GFOD2: variants seen among roughly 807,000 people sequenced by gnomAD.
The protein encoded by GFOD2 is Gfo/Idh/MocA-like oxidoreductase domain containing 2.
In GFOD2, 9 loss-of-function variants were observed where a neutral mutation model predicts 24.6. The ratio of observed to expected loss-of-function variants is 0.37; its 90% CI spans 0.22 to 0.64. The LOEUF (loss-of-function observed/expected upper bound fraction) is 0.64. GFOD2 is among the 30% of genes least tolerant of loss of function. The probability of loss-of-function intolerance (pLI) is 0.65; values close to 1 mark genes in which losing one functional copy is unlikely to be tolerated. For synonymous variants in GFOD2, 211 were observed against 224.8 expected (o/e 0.94, Z 0.55); for missense variants, 476 against 532.5 (o/e 0.89, Z 1.04).
chr16:67,676,880 C>T (rs929974143), intron 2 of GFOD2: 1 of 152,232 alleles, frequency 6.6e-6, no homozygotes, highest in Non-Finnish European at 1.5e-5. Flanking sequence ...ATGAATGCTG[C>T]TCCATGTTTC....
chr16:67,696,067 G>A (rs140998184), intron 1 of GFOD2, among the ~76,000 whole-genome samples: 21 of 151,096 alleles, frequency 1.4e-4, no homozygotes, highest in African/African-American at 4.9e-4. Flanking sequence ...CTGGAGTGGT[G>A]CAATGGCACG....
intron 2 of GFOD2, chr16:67,683,012 G>T: frequency 3.4e-6 from 1 of 291,476 alleles, no homozygotes; most frequent in Non-Finnish European, 5.1e-6. Flanking sequence ...TGTCACTCAA[G>T]CTGGAGTGCA....
intron 1 of GFOD2, among the ~76,000 whole-genome samples, chr16:67,694,144 G>A (rs897466685): frequency 2.6e-5 from 4 of 151,966 alleles, no homozygotes; most frequent in African/African-American, 4.8e-5. Context: ...ACAGGCACAC[G>A]CCATCACACC....
chr16:67,710,880 C>A (rs1269045964), intron 1 of GFOD2, among the ~76,000 whole-genome samples: 2 of 152,098 alleles, frequency 1.3e-5, no homozygotes, highest in Admixed American at 1.3e-4. Flanking sequence ...AACTGCAAGA[C>A]TCATTGCAGA....
At chr16:67,708,226 C>T (rs2053451231) in intron 1 of GFOD2, among the ~76,000 whole-genome samples, 1 of 152,146 alleles carries the variant, frequency 6.6e-6, no homozygotes, top group Non-Finnish European at 1.5e-5. Flanking sequence ...TCACACCTTG[C>T]AAATTCAGTT....
chr16:67,697,541 G>A (rs766214580), intron 1 of GFOD2, among the ~76,000 whole-genome samples: 4 of 152,158 alleles, frequency 2.6e-5, no homozygotes, highest in Non-Finnish European at 4.4e-5. Context: ...AAGAGGTGAG[G>A]TAACTCTCCC....
intron 1 of GFOD2, among the ~76,000 whole-genome samples, chr16:67,714,415 T>C (rs992757225): frequency 6.7e-5 from 10 of 150,226 alleles, no homozygotes; most frequent in African/African-American, 1.7e-4. Context: ...GAAGTGGACA[T>C]TGCAGTGAGC....
chr16:67,715,212 TC>T (rs1318221792), intron 1 of GFOD2, among the ~76,000 whole-genome samples: 2 of 152,062 alleles, frequency 1.3e-5, no homozygotes, highest in Admixed American at 1.3e-4. Flanking sequence ...GGACCCGCCA[TC>T]ACACCCAGCT....
At chr16:67,681,336 G>C in intron 2 of GFOD2, 2 of 985,446 alleles carry the variant, frequency 2.0e-6, no homozygotes, top group Non-Finnish European at 1.2e-6. Flanking sequence ...GTTTGGTGGT[G>C]ATAAAACTAG....
At chr16:67,682,383 G>T in intron 2 of GFOD2, 6 of 985,358 alleles carry the variant, frequency 6.1e-6, no homozygotes, top group Non-Finnish European at 7.2e-6. Flanking sequence ...CCAAGAATTG[G>T]GCACAGAAGC....
chr16:67,701,854 G>GAA (rs1221956870), intron 1 of GFOD2, among the ~76,000 whole-genome samples: 1 of 151,588 alleles, frequency 6.6e-6, no homozygotes, highest in Admixed American at 6.6e-5. Flanking sequence ...GTCCTTAAGA[G>GAA]AAACATGGAA....
intron 2 of GFOD2, 98 bp downstream of exon 2, chr16:67,685,359 G>A (rs142607960): frequency 4.5e-5 from 71 of 1,561,402 alleles, no homozygotes; most frequent in Admixed American, 2.0e-4. Context: ...CTGCAGATGC[G>A]AGCCCAGGAA....
At chr16:67,688,355 G>T (rs536732674) in intron 1 of GFOD2, among the ~76,000 whole-genome samples, 6 of 152,264 alleles carry the variant, frequency 3.9e-5, no homozygotes, top group African/African-American at 1.4e-4. Flanking sequence ...GATTATGAAT[G>T]ATTTTTATTG....
rs2053223750 is a variant in GFOD2 at position 67,681,334 on chromosome 16, G to T, written c.259+4123C>A. On this transcript the variant is annotated intron_variant, in intron 2 of 2. Coordinates refer to ENST00000268797, the MANE Select transcript of GFOD2 (RefSeq NM_030819.4). ...TTTTATGACTGCTAGGAGTTTGGTGGTGATAAAACTAGGATAAGGAATTCC... is the reference window on the plus strand; with the variant it reads ...TTTTATGACTGCTAGGAGTTTGGTGTTGATAAAACTAGGATAAGGAATTCC... 7 of 985,332 alleles carry T rather than the reference G, an allele frequency of 7.1e-6. No individual in the cohort carries two copies. The African/African-American group carries it at 8.7e-5, about 12-fold the overall frequency. 61.0% of individuals were successfully genotyped at this position (985,332 alleles called of 1,614,324 possible). A position where few individuals can be genotyped will look rare whatever the true frequency, so the allele number is the denominator to read the frequency against.
intron 2 of GFOD2, 93 bp downstream of exon 2, chr16:67,685,359 GAGCCC>G (rs1567655330): frequency 6.4e-7 from 1 of 1,561,402 alleles, no homozygotes; most frequent in Admixed American, 1.8e-5. Context: ...CTGCAGATGC[GAGCCC>G]AGGAAGGAGA....
At chr16:67,681,168 A>C in intron 2 of GFOD2, 1 of 985,444 alleles carries the variant, frequency 1.0e-6, no homozygotes, top group Non-Finnish European at 1.2e-6. Flanking sequence ...TGTAATGAGG[A>C]AATGAGGTTC....
intron 1 of GFOD2, among the ~76,000 whole-genome samples, chr16:67,693,047 A>T: frequency 6.6e-6 from 1 of 152,030 alleles, no homozygotes; most frequent in East Asian, 1.9e-4. Context: ...AAAACAAAAA[A>T]AAAAGGAAAA....
chr16:67,716,153 T>C (rs1187836196), intron 1 of GFOD2, among the ~76,000 whole-genome samples: 1 of 152,252 alleles, frequency 6.6e-6, no homozygotes, highest in Admixed American at 6.5e-5. Flanking sequence ...TAACATCAGA[T>C]GACATTGCAT....
At chr16:67,687,810 A>T (rs1263723369) in intron 1 of GFOD2, among the ~76,000 whole-genome samples, 6 of 1,686 alleles carry the variant, frequency 3.6e-3, no homozygotes, top group Non-Finnish European at 6.0e-3. Context: ...ATCTTTACTA[A>T]AAAAAAAAAA....
Sources: gnomAD v4.1 joint callset for allele counts (sites outside exome capture counted in the v4.1 genomes callset) on GRCh38, gnomAD v4.1.1 for gene constraint, MANE v1.5 for transcripts, NCBI Gene and HGNC (gene_info 2026-07-23, HGNC 2026-07-21) for gene names.